The following GRIK2 variants were observed in gnomAD, a reference collection of about 807,000 sequenced individuals.
The protein encoded by GRIK2 is glutamate ionotropic receptor kainate type subunit 2.
In GRIK2, 32 loss-of-function variants were observed where a neutral mutation model predicts 100.3. The observed-to-expected ratio is 0.32, with a 90% CI of 0.24 to 0.43. The LOEUF is 0.43. Ranked by LOEUF, GRIK2 falls within the 20% of genes least tolerant of loss-of-function variation. The pLI, the probability that GRIK2 is intolerant of heterozygous loss-of-function variation, is 1.00. For synonymous variants in GRIK2, 417 were observed against 389.4 expected (o/e 1.07, Z -0.83); for missense variants, 843 against 1,114.9 (o/e 0.76, Z 3.47).
intron 4 of GRIK2, among the ~76,000 whole-genome samples, chr6:101,653,794 T>C (rs1218321579): frequency 6.6e-6 from 1 of 152,008 alleles, no homozygotes; most frequent in Non-Finnish European, 1.5e-5. Flanking sequence ...TAAATTTTTG[T>C]AGTTTTAGTA....
chr6:101,459,603 G>GA (rs1377946786), intron 2 of GRIK2, among the ~76,000 whole-genome samples: 2 of 151,508 alleles, frequency 1.3e-5, no homozygotes, highest in Non-Finnish European at 2.9e-5. Flanking sequence ...AATGAACAAA[G>GA]AAAAAAAACC....
rs1371834452 is a variant in GRIK2 at position 102,068,837 on chromosome 6, G to C, written c.*326G>C. ...TACAGGTTCCTTTTGAAGCTCAACTGTTGCCAGGAGATGGAATATCAATGC... is the reference window on the plus strand; with the variant it reads ...TACAGGTTCCTTTTGAAGCTCAACTCTTGCCAGGAGATGGAATATCAATGC... On this transcript the variant is annotated 3_prime_UTR_variant, in exon 17 of 17. Coordinates refer to ENST00000369134, the MANE Select transcript of GRIK2 (RefSeq NM_021956.5). 2 of 190,062 alleles carry C rather than the reference G, an allele frequency of 1.1e-5. No homozygotes were observed. Among genetic ancestry groups the C allele is most frequent in the Non-Finnish European group, 2.2e-5 (2 of 91,386 alleles). 11.8% of individuals were successfully genotyped at this position (190,062 alleles called of 1,614,324 possible).
At chr6:101,643,657 C>G (rs969583721) in intron 4 of GRIK2, among the ~76,000 whole-genome samples, 2 of 151,234 alleles carry the variant, frequency 1.3e-5, no homozygotes, top group African/African-American at 4.9e-5. Flanking sequence ...AAATCAGGAA[C>G]TATGAGATCT....
At chr6:101,675,148 A>C (rs1328130514) in intron 4 of GRIK2, among the ~76,000 whole-genome samples, 1 of 151,986 alleles carries the variant, frequency 6.6e-6, no homozygotes, top group Non-Finnish European at 1.5e-5. Flanking sequence ...CTTTGTACCC[A>C]CTGACCATCC....
intron 7 of GRIK2, among the ~76,000 whole-genome samples, chr6:101,715,407 G>T (rs1460265209): frequency 6.6e-6 from 1 of 151,834 alleles, no homozygotes; most frequent in East Asian, 2.0e-4. Flanking sequence ...AAGATGAAGA[G>T]TTCCCTGGCA....
At chr6:101,831,511 G>T (rs936339298) in intron 10 of GRIK2, among the ~76,000 whole-genome samples, 1 of 151,996 alleles carries the variant, frequency 6.6e-6, no homozygotes, top group African/African-American at 2.4e-5. Context: ...ATTGAAAGAT[G>T]GACTCAGACA....
At chr6:101,609,348 A>G (rs1293337130) in intron 2 of GRIK2, among the ~76,000 whole-genome samples, 1 of 151,864 alleles carries the variant, frequency 6.6e-6, no homozygotes, top group Admixed American at 6.6e-5. Context: ...TGTTGAAACT[A>G]GTTGTAAAGA....
At chr6:101,949,267 A>G (rs1352867240) in intron 14 of GRIK2, among the ~76,000 whole-genome samples, 4 of 152,166 alleles carry the variant, frequency 2.6e-5, no homozygotes, top group African/African-American at 9.6e-5. Context: ...CAGCCTTATA[A>G]CCATGTTAAA....
intron 2 of GRIK2, among the ~76,000 whole-genome samples, chr6:101,566,510 ATTT>A (rs561602949): frequency 2.4e-4 from 36 of 151,968 alleles, no homozygotes; most frequent in Admixed American, 2.3e-3. Context: ...TTGCCTTAAA[ATTT>A]TTAGTATAAC....
At position 101,393,775 on chromosome 6, in the gene GRIK2, T is replaced by C. The variant is rs1289288471; in HGVS notation, c.-356T>C. The stretch of plus-strand genomic sequence containing the variant: ...CTGGGGACTTTTCCGCCCGACCTCC[T>C]CCGGCTGCTCCTCCCCGAGGACCAC... On this transcript the variant is annotated 5_prime_UTR_variant, in exon 1 of 17. Transcript: ENST00000369134. 6.6e-6 allele frequency among the ~76,000 whole-genome samples: 1 copy of C among 151,990 alleles called. No homozygotes were observed. The highest frequency in any genetic ancestry group is 2.4e-5 in the African/African-American group (1 of 41,420).
At chr6:102,014,574 C>A (rs1014413394) in intron 14 of GRIK2, among the ~76,000 whole-genome samples, 2 of 152,002 alleles carry the variant, frequency 1.3e-5, no homozygotes, top group Non-Finnish European at 2.9e-5. Flanking sequence ...TTGATGTGGG[C>A]ATTTAGTGCT....
chr6:101,638,612 C>T (rs1357843824), intron 4 of GRIK2, among the ~76,000 whole-genome samples: 1 of 152,000 alleles, frequency 6.6e-6, no homozygotes, highest in African/African-American at 2.4e-5. Context: ...AAAGGAGCCA[C>T]GTTTTAGTTT....
chr6:102,018,529 C>T (rs1295673485), intron 14 of GRIK2, among the ~76,000 whole-genome samples: 1 of 152,048 alleles, frequency 6.6e-6, no homozygotes, highest in Non-Finnish European at 1.5e-5. Flanking sequence ...TTTCCCCCCA[C>T]TTCTGGCACC....
rs185977211 is a variant in GRIK2 at position 101,848,571 on chromosome 6, A to T, written c.1318-10716A>T. Among the ~76,000 whole-genome samples the T allele has an allele frequency of 9.6e-3, 1,468 of 152,290 alleles. 10 individuals are homozygous for T. The highest frequency in any genetic ancestry group is 0.02 in the Middle Eastern group (6 of 294). On this transcript the variant is annotated intron_variant, in intron 10 of 16. Coordinates refer to ENST00000369134, the MANE Select transcript of GRIK2 (RefSeq NM_021956.5). ...TTATATTTTAACACGAGGTATTCCA[A>T]TATAGATATCTACATGCATCTTGTT...
intron 14 of GRIK2, among the ~76,000 whole-genome samples, chr6:102,007,691 A>G (rs770966773): frequency 6.6e-6 from 1 of 152,124 alleles, no homozygotes; most frequent in Non-Finnish European, 1.5e-5. Flanking sequence ...GGTGGAGGAA[A>G]GTAAAAAAGG....
At chr6:101,957,677 A>C (rs1287322643) in intron 14 of GRIK2, among the ~76,000 whole-genome samples, 1 of 151,912 alleles carries the variant, frequency 6.6e-6, no homozygotes, top group African/African-American at 2.4e-5. Flanking sequence ...TACATTCAGG[A>C]ATTTAATTCA....
At chr6:101,763,413 A>G (rs1777851483) in intron 7 of GRIK2, among the ~76,000 whole-genome samples, 1 of 152,202 alleles carries the variant, frequency 6.6e-6, no homozygotes, top group African/African-American at 2.4e-5. Flanking sequence ...AACAACACAA[A>G]TTAACTAGCT....
chr6:101,974,574 C>G (rs1459528064), intron 14 of GRIK2, among the ~76,000 whole-genome samples: 1 of 152,034 alleles, frequency 6.6e-6, no homozygotes, highest in Non-Finnish European at 1.5e-5. Context: ...GCTGGCAACT[C>G]CGGCAGGGGA....
chr6:101,526,928 A>G (rs1197971356), intron 2 of GRIK2, among the ~76,000 whole-genome samples: 1 of 152,190 alleles, frequency 6.6e-6, no homozygotes, highest in South Asian at 2.1e-4. Flanking sequence ...AGAGGAGGCA[A>G]CACTTCTCCT....
Sources: gnomAD v4.1 joint callset for allele counts (sites outside exome capture counted in the v4.1 genomes callset) on GRCh38, gnomAD v4.1.1 for gene constraint, MANE v1.5 for transcripts, NCBI Gene and HGNC (gene_info 2026-07-23, HGNC 2026-07-21) for gene names.